EXOC6B: variants seen among roughly 807,000 people sequenced by gnomAD.
The protein encoded by EXOC6B is exocyst complex component 6B.
Under a neutral mutation model 113.5 loss-of-function variants are expected in EXOC6B, and 54 were observed. The observed-to-expected ratio is 0.48, with a 90% CI of 0.38 to 0.60. The LOEUF is 0.60. Among genes scored for constraint, EXOC6B ranks in the 20% least tolerant of loss-of-function variants. The pLI is 0.00. For missense variants in EXOC6B, 797 were observed against 977.5 expected, an observed-to-expected ratio of 0.82 and a Z score of 2.46; for synonymous variants, 357 against 339.0, an observed-to-expected ratio of 1.05 and a Z score of -0.58.
chr2:72,637,149 C>A (rs1348862167), intron 6 of EXOC6B, among the ~76,000 whole-genome samples: 1 of 152,036 alleles, frequency 6.6e-6, no homozygotes, highest in African/African-American at 2.4e-5. Flanking sequence ...AACAACAAAA[C>A]ACTGATGAAA....
At chr2:72,540,494 A>T (rs1702540130) in intron 8 of EXOC6B, among the ~76,000 whole-genome samples, 1 of 152,170 alleles carries the variant, frequency 6.6e-6, no homozygotes, top group Non-Finnish European at 1.5e-5. Context: ...TATATGTATC[A>T]TATCTATTTA....
intron 18 of EXOC6B, among the ~76,000 whole-genome samples, chr2:72,383,516 G>T (rs1391126387): frequency 6.6e-6 from 1 of 152,046 alleles, no homozygotes; most frequent in East Asian, 1.9e-4. Flanking sequence ...TGGCAAGGTT[G>T]CAGAGAAAAG....
intron 1 of EXOC6B, among the ~76,000 whole-genome samples, chr2:72,804,894 G>C (rs997309589): frequency 6.6e-6 from 1 of 152,048 alleles, no homozygotes; most frequent in African/African-American, 2.4e-5. Context: ...ACCACACCCG[G>C]CCAGCCTTTA....
intron 20 of EXOC6B, among the ~76,000 whole-genome samples, chr2:72,315,433 G>A (rs1687459456): frequency 6.6e-6 from 1 of 152,078 alleles, no homozygotes; most frequent in Admixed American, 6.5e-5. Context: ...GGAAGCTCCT[G>A]TGGGATTTTA....
chr2:72,498,187 T>C (rs559675463), intron 13 of EXOC6B, among the ~76,000 whole-genome samples: 1 of 152,278 alleles, frequency 6.6e-6, no homozygotes, highest in South Asian at 2.1e-4. Context: ...GAATCTGATA[T>C]TTATCGAAGG....
intron 18 of EXOC6B, among the ~76,000 whole-genome samples, chr2:72,430,054 T>C (rs946403950): frequency 6.6e-6 from 1 of 152,174 alleles, no homozygotes; most frequent in Admixed American, 6.5e-5. Flanking sequence ...GAGAACTATT[T>C]TGAAGGACAA....
chr2:72,804,705 C>T (rs1198972570), intron 1 of EXOC6B, among the ~76,000 whole-genome samples: 2 of 152,034 alleles, frequency 1.3e-5, no homozygotes, highest in Non-Finnish European at 2.9e-5. Context: ...AAGCAATTTT[C>T]CTGCCTCAGC....
chr2:72,655,653 T>C (rs1207744744), intron 6 of EXOC6B, among the ~76,000 whole-genome samples: 8 of 151,978 alleles, frequency 5.3e-5, no homozygotes, highest in East Asian at 3.8e-4. Flanking sequence ...AACCTAAAAA[T>C]AGAGAAACTC....
chr2:72,818,510 G>A (rs1202061461), intron 1 of EXOC6B, among the ~76,000 whole-genome samples: 1 of 151,826 alleles, frequency 6.6e-6, no homozygotes, highest in African/African-American at 2.4e-5. Context: ...GGCCAGGCTG[G>A]TCTTGAACTC....
chr2:72,733,209 T>C (rs547383109), intron 2 of EXOC6B, 91 bp from the exon 3 acceptor site: 2 of 947,098 alleles, frequency 2.1e-6, no homozygotes, highest in East Asian at 2.6e-5. Flanking sequence ...AGATTAGGAA[T>C]AGGCAGTTAA....
At chr2:72,724,632 A>C (rs1019087535) in intron 5 of EXOC6B, among the ~76,000 whole-genome samples, 5 of 152,208 alleles carry the variant, frequency 3.3e-5, no homozygotes, top group Admixed American at 1.3e-4. Flanking sequence ...GATCTAAAAA[A>C]ATACCAGAAG....
chr2:72,423,395 C>G (rs906866400), intron 18 of EXOC6B, among the ~76,000 whole-genome samples: 3 of 152,036 alleles, frequency 2.0e-5, no homozygotes, highest in African/African-American at 7.2e-5. Context: ...GGACACACTA[C>G]TATGAATGGG....
At chr2:72,193,075 C>T (rs41400) in intron 20 of EXOC6B, among the ~76,000 whole-genome samples, 50,032 of 152,004 alleles carry the variant, frequency 0.33, 9,322 homozygotes, top group African/African-American at 0.49. Flanking sequence ...AAACTAATTA[C>T]ATCATTATAA....
At chr2:72,601,290 C>T (rs1243897885) in intron 6 of EXOC6B, among the ~76,000 whole-genome samples, 1 of 152,050 alleles carries the variant, frequency 6.6e-6, no homozygotes, top group African/African-American at 2.4e-5. Context: ...TCACACCATT[C>T]TCCTGCCTCA....
chr2:72,419,505 C>T (rs1176100866), intron 18 of EXOC6B, among the ~76,000 whole-genome samples: 1 of 152,130 alleles, frequency 6.6e-6, no homozygotes, highest in Non-Finnish European at 1.5e-5. Flanking sequence ...AATTAAGTCC[C>T]TCAGCTTTTG....
At chr2:72,277,858 T>A (rs902332941) in intron 20 of EXOC6B, among the ~76,000 whole-genome samples, 2 of 151,966 alleles carry the variant, frequency 1.3e-5, no homozygotes, top group South Asian at 2.1e-4. Context: ...TTTTTTTTTA[T>A]ATAAAATTAT....
intron 6 of EXOC6B, among the ~76,000 whole-genome samples, chr2:72,714,573 T>C (rs1351213414): frequency 2.0e-5 from 3 of 152,052 alleles, no homozygotes; most frequent in Non-Finnish European, 4.4e-5. Flanking sequence ...CTCACAGAGT[T>C]AGAAAGGTGA....
intron 1 of EXOC6B, among the ~76,000 whole-genome samples, chr2:72,786,925 T>C (rs530331725): frequency 8.7e-4 from 132 of 152,302 alleles, no homozygotes; most frequent in African/African-American, 3.1e-3. Flanking sequence ...CAATGGGGAA[T>C]TGTTGATTAC....
At chr2:72,549,362 G>A (rs1357621724) in intron 8 of EXOC6B, among the ~76,000 whole-genome samples, 2 of 152,122 alleles carry the variant, frequency 1.3e-5, no homozygotes, top group East Asian at 1.9e-4. Flanking sequence ...ATAAGGAGAC[G>A]ATTTTCAATA....
Sources: gnomAD v4.1 joint callset for allele counts (sites outside exome capture counted in the v4.1 genomes callset) on GRCh38, gnomAD v4.1.1 for gene constraint, MANE v1.5 for transcripts, NCBI Gene and HGNC (gene_info 2026-07-23, HGNC 2026-07-21) for gene names.